SEMA3A: variants seen among roughly 807,000 people sequenced by gnomAD.
SEMA3A encodes semaphorin 3A.
In SEMA3A, 29 loss-of-function variants were observed where a neutral mutation model predicts 97.9. The ratio of observed to expected loss-of-function variants is 0.30; its 90% confidence interval spans 0.22 to 0.40. The LOEUF (loss-of-function observed/expected upper bound fraction) is 0.40. SEMA3A is among the 10% of genes least tolerant of loss of function. SEMA3A has a pLI of 1.00. For missense variants in SEMA3A, 763 were observed against 951.3 expected (o/e 0.80, Z 2.60); for synonymous variants, 321 against 323.7 (o/e 0.99, Z 0.09).
intron 3 of SEMA3A, among the ~76,000 whole-genome samples, chr7:84,293,525 A>C (rs1021062272): frequency 1.3e-5 from 2 of 152,042 alleles, no homozygotes; most frequent in African/African-American, 4.8e-5. Context: ...AGATGCAAAA[A>C]ATATAACAAT....
chr7:83,974,956 G>A (rs1789082040), intron 15 of SEMA3A, among the ~76,000 whole-genome samples: 1 of 152,046 alleles, frequency 6.6e-6, no homozygotes, highest in Non-Finnish European at 1.5e-5. Context: ...TCTCTCTCCA[G>A]TGTGCATCTG....
chr7:84,121,527 C>A (rs893623547), intron 3 of SEMA3A, among the ~76,000 whole-genome samples: 3 of 150,822 alleles, frequency 2.0e-5, no homozygotes, highest in African/African-American at 7.3e-5. Flanking sequence ...CATGTCCCTA[C>A]AAAGGACATG....
At chr7:83,998,733 T>C (rs948803286) in intron 12 of SEMA3A, among the ~76,000 whole-genome samples, 1 of 152,196 alleles carries the variant, frequency 6.6e-6, no homozygotes, top group African/African-American at 2.4e-5. Flanking sequence ...CATGTTTTCT[T>C]TCCTTACATT....
intron 1 of SEMA3A, among the ~76,000 whole-genome samples, chr7:84,401,084 C>T (rs981843754): frequency 2.6e-5 from 4 of 152,124 alleles, no homozygotes; most frequent in African/African-American, 9.7e-5. Context: ...GTCAAATTGT[C>T]CTTGCAGATG....
intron 5 of SEMA3A, among the ~76,000 whole-genome samples, chr7:84,058,846 T>C (rs904894977): frequency 6.6e-6 from 1 of 152,180 alleles, no homozygotes; most frequent in Non-Finnish European, 1.5e-5. Context: ...TTTTCAAAGA[T>C]ATTCAAATAT....
chr7:84,151,653 T>G (rs1196230421), intron 1 of SEMA3A, among the ~76,000 whole-genome samples: 2 of 152,088 alleles, frequency 1.3e-5, no homozygotes, highest in Admixed American at 1.3e-4. Context: ...GGAACCAAGT[T>G]GGAAAACACT....
chr7:84,424,795 A>G (rs1289943106), intron 1 of SEMA3A, among the ~76,000 whole-genome samples: 2 of 101,430 alleles, frequency 2.0e-5, no homozygotes, highest in Non-Finnish European at 3.4e-5. Flanking sequence ...ATATATAAAT[A>G]ATTTATACAA....
chr7:83,982,070 GTCTT>G (rs1562952962), intron 13 of SEMA3A, among the ~76,000 whole-genome samples: 23 of 152,026 alleles, frequency 1.5e-4, no homozygotes, highest in Admixed American at 1.3e-4. Context: ...CCTTCAAAAC[GTCTT>G]TGAAAAGAGG....
chr7:84,382,001 A>C (rs1803274121), intron 1 of SEMA3A, among the ~76,000 whole-genome samples: 1 of 152,200 alleles, frequency 6.6e-6, no homozygotes, highest in African/African-American at 2.4e-5. Flanking sequence ...AGGTTTGTGC[A>C]GCAGTTGAGG....
intron 1 of SEMA3A, among the ~76,000 whole-genome samples, chr7:84,449,006 A>G (rs1358836052): frequency 6.6e-6 from 1 of 152,200 alleles, no homozygotes; most frequent in South Asian, 2.1e-4. Context: ...ATATATGGCC[A>G]AAAGTATTTC....
intron 1 of SEMA3A, among the ~76,000 whole-genome samples, chr7:84,477,278 A>G (rs927587825): frequency 8.6e-5 from 13 of 150,532 alleles, no homozygotes; most frequent in African/African-American, 2.9e-4. Context: ...CTCTACTAAA[A>G]ATACAAAAAA....
intron 1 of SEMA3A, among the ~76,000 whole-genome samples, chr7:84,182,955 A>G (rs1797774639): frequency 6.6e-6 from 1 of 152,132 alleles, no homozygotes; most frequent in African/African-American, 2.4e-5. Flanking sequence ...AGCTTTCATT[A>G]TTACTTTTAA....
At chr7:84,189,064 T>C (rs1797964849) in intron 1 of SEMA3A, among the ~76,000 whole-genome samples, 1 of 151,858 alleles carries the variant, frequency 6.6e-6, no homozygotes, top group Non-Finnish European at 1.5e-5. Flanking sequence ...CAAATCATGG[T>C]AATTCCTTTA....
chr7:84,283,867 A>G (rs1022614710), intron 3 of SEMA3A, among the ~76,000 whole-genome samples: 1 of 152,120 alleles, frequency 6.6e-6, no homozygotes, highest in African/African-American at 2.4e-5. Flanking sequence ...CATTGTGTAA[A>G]CATACCTTGC....
chr7:84,348,462 T>C (rs1268893229), intron 2 of SEMA3A, among the ~76,000 whole-genome samples: 1 of 152,214 alleles, frequency 6.6e-6, no homozygotes, highest in African/African-American at 2.4e-5. Context: ...TGTTCTAAAA[T>C]TTATAATTAT....
intron 4 of SEMA3A, among the ~76,000 whole-genome samples, chr7:84,094,029 C>T (rs1040415643): frequency 1.3e-5 from 2 of 151,998 alleles, no homozygotes; most frequent in African/African-American, 4.8e-5. Context: ...TGTCTGTACA[C>T]AAAGGCTACC....
intron 3 of SEMA3A, among the ~76,000 whole-genome samples, chr7:84,246,257 G>A (rs56021068): frequency 0.072 from 10,887 of 152,248 alleles, 543 homozygotes; most frequent in Non-Finnish European, 0.084. Context: ...ATACAATTTC[G>A]TTGTTTTAAG....
intron 4 of SEMA3A, among the ~76,000 whole-genome samples, chr7:84,093,034 C>A (rs1794646009): frequency 6.6e-6 from 1 of 151,796 alleles, no homozygotes; most frequent in Non-Finnish European, 1.5e-5. Context: ...TGATATATGT[C>A]AAATATAGAA....
intron 1 of SEMA3A, among the ~76,000 whole-genome samples, chr7:84,168,345 CTTTTG>C (rs1179107491): frequency 6.6e-6 from 1 of 151,962 alleles, no homozygotes; most frequent in African/African-American, 2.4e-5. Context: ...TTAATAAACT[CTTTTG>C]TTCTGTTTGC....
Sources: gnomAD v4.1 joint callset for allele counts (sites outside exome capture counted in the v4.1 genomes callset) on GRCh38, gnomAD v4.1.1 for gene constraint, MANE v1.5 for transcripts, NCBI Gene and HGNC (gene_info 2026-07-23, HGNC 2026-07-21) for gene names.